Variants in MAML2 observed in about 807,000 individuals in gnomAD.
The protein encoded by MAML2 is mastermind like transcriptional coactivator 2, also known as mastermind-like protein 2.
Under a neutral mutation model 96.1 loss-of-function variants are expected in MAML2, and 22 were observed. That is an observed-to-expected ratio of 0.23 (90% CI 0.16 to 0.33). The LOEUF is 0.33. MAML2 is among the 10% of genes least tolerant of loss of function. The pLI, the probability that MAML2 is intolerant of heterozygous loss-of-function variation, is 1.00. For missense variants in MAML2, 1,367 were observed against 1,392.4 expected (o/e 0.98, Z 0.29); for synonymous variants, 561 against 521.3 (o/e 1.08, Z -1.04).
At chr11:96,020,403 T>C (rs902311426) in intron 2 of MAML2, among the ~76,000 whole-genome samples, 1 of 152,216 alleles carries the variant, frequency 6.6e-6, no homozygotes, top group Non-Finnish European at 1.5e-5. Flanking sequence ...GTCTCCTTTT[T>C]GGTATCAAAA....
chr11:96,242,060 T>C (rs1419378434), intron 1 of MAML2, among the ~76,000 whole-genome samples: 4 of 152,230 alleles, frequency 2.6e-5, no homozygotes, highest in South Asian at 4.1e-4. Context: ...ATCACAACCA[T>C]GGCCACTAGA....
At chr11:96,134,076 A>G (rs898188196) in intron 1 of MAML2, among the ~76,000 whole-genome samples, 1 of 152,186 alleles carries the variant, frequency 6.6e-6, no homozygotes. Context: ...TATTCTTTGT[A>G]GTTGTTTAGT....
At chr11:96,199,719 G>A (rs1188600570) in intron 1 of MAML2, among the ~76,000 whole-genome samples, 1 of 152,116 alleles carries the variant, frequency 6.6e-6, no homozygotes, top group Non-Finnish European at 1.5e-5. Flanking sequence ...CGTGATGTAC[G>A]CAGTCTCGCT....
chr11:96,215,148 A>C (rs1862029694), intron 1 of MAML2, among the ~76,000 whole-genome samples: 1 of 152,208 alleles, frequency 6.6e-6, no homozygotes, highest in African/African-American at 2.4e-5. Context: ...TTGTGTAGTA[A>C]AGTGAATTGG....
intron 2 of MAML2, among the ~76,000 whole-genome samples, chr11:96,047,310 C>A (rs1226131293): frequency 6.6e-6 from 1 of 152,166 alleles, no homozygotes. Context: ...AACTAACTCA[C>A]CTCCCAACCC....
At chr11:96,000,593 T>C (rs1405499845) in intron 2 of MAML2, among the ~76,000 whole-genome samples, 1 of 152,228 alleles carries the variant, frequency 6.6e-6, no homozygotes, top group Non-Finnish European at 1.5e-5. Flanking sequence ...CAGCAATCCT[T>C]TGAGATAACT....
At chr11:96,331,938 A>G (rs1940957424) in intron 1 of MAML2, among the ~76,000 whole-genome samples, 1 of 152,130 alleles carries the variant, frequency 6.6e-6, no homozygotes, top group African/African-American at 2.4e-5. Flanking sequence ...TTAGACTAAT[A>G]TGAACTGGCC....
At chr11:96,109,360 G>A (rs1205757736) in intron 1 of MAML2, among the ~76,000 whole-genome samples, 4 of 152,160 alleles carry the variant, frequency 2.6e-5, no homozygotes, top group African/African-American at 9.7e-5. Context: ...TCAAGCAGGG[G>A]AGTGACATGT....
At chr11:96,212,222 C>T (rs142443665) in intron 1 of MAML2, among the ~76,000 whole-genome samples, 3 of 149,242 alleles carry the variant, frequency 2.0e-5, no homozygotes, top group African/African-American at 7.4e-5. Flanking sequence ...CAGAGATATT[C>T]AAGAGGCAAT....
intron 1 of MAML2, among the ~76,000 whole-genome samples, chr11:96,126,691 C>T (rs1231823175): frequency 6.6e-6 from 1 of 152,166 alleles, no homozygotes; most frequent in Non-Finnish European, 1.5e-5. Flanking sequence ...ATCTTAGAGA[C>T]TGGGAAGCGC....
At chr11:96,101,682 A>G (rs1223341972) in intron 1 of MAML2, among the ~76,000 whole-genome samples, 1 of 152,200 alleles carries the variant, frequency 6.6e-6, no homozygotes, top group Non-Finnish European at 1.5e-5. Context: ...CTCAAAGCAG[A>G]GCTCCATCAC....
At chr11:96,317,912 A>G (rs1020490736) in intron 1 of MAML2, among the ~76,000 whole-genome samples, 3 of 152,230 alleles carry the variant, frequency 2.0e-5, no homozygotes, top group African/African-American at 7.2e-5. Context: ...GCTTTTACGT[A>G]TCTAAATGGT....
chr11:95,996,906 C>A (rs924186403), intron 2 of MAML2, among the ~76,000 whole-genome samples: 14 of 152,106 alleles, frequency 9.2e-5, no homozygotes, highest in African/African-American at 3.4e-4. Flanking sequence ...TCCTGAAGGG[C>A]ATATGAAGGC....
intron 1 of MAML2, among the ~76,000 whole-genome samples, chr11:96,280,366 G>A (rs1863047496): frequency 6.6e-6 from 1 of 152,088 alleles, no homozygotes; most frequent in Admixed American, 6.5e-5. Flanking sequence ...CTTAACTCAT[G>A]GTAATTTGTT....
At chr11:96,063,554 C>A (rs1388032467) in intron 2 of MAML2, among the ~76,000 whole-genome samples, 2 of 152,144 alleles carry the variant, frequency 1.3e-5, no homozygotes, top group African/African-American at 4.8e-5. Context: ...CATTATGTTA[C>A]AAAATCATCA....
chr11:96,106,978 T>G (rs1237474644), intron 1 of MAML2, among the ~76,000 whole-genome samples: 1 of 96,430 alleles, frequency 1.0e-5, no homozygotes, highest in Non-Finnish European at 2.2e-5. Flanking sequence ...ATGAAAAGAG[T>G]CCTTTTTTTT....
intron 2 of MAML2, among the ~76,000 whole-genome samples, chr11:96,049,165 G>A (rs1010508567): frequency 2.0e-5 from 3 of 152,104 alleles, no homozygotes; most frequent in South Asian, 2.1e-4. Context: ...AAAAGGACTT[G>A]GACAAGATGA....
At chr11:96,184,824 C>T (rs779377325) in intron 1 of MAML2, among the ~76,000 whole-genome samples, 12 of 152,032 alleles carry the variant, frequency 7.9e-5, no homozygotes, top group Non-Finnish European at 1.3e-4. Context: ...CTCCTGACCT[C>T]GTGATCCAAA....
chr11:96,214,098 T>C (rs1862013603), intron 1 of MAML2, among the ~76,000 whole-genome samples: 1 of 152,216 alleles, frequency 6.6e-6, no homozygotes, highest in South Asian at 2.1e-4. Context: ...TACATATACA[T>C]ATATACAAAT....
Sources: allele counts gnomAD v4.1 joint callset (sites outside exome capture counted in the v4.1 genomes callset), GRCh38; gene constraint gnomAD v4.1.1; transcripts MANE v1.5; gene names NCBI Gene and HGNC (gene_info 2026-07-23, HGNC 2026-07-21).